POC1B: variants seen among roughly 807,000 people sequenced by gnomAD.
POC1B encodes the protein POC1 centriolar protein B.
POC1B carries 44 observed loss-of-function variants against 60.6 expected under a neutral mutation model. The ratio of observed to expected loss-of-function variants is 0.73; its 90% CI spans 0.57 to 0.93. The LOEUF is 0.93. Ranked by LOEUF, POC1B falls within the 40% of genes least tolerant of loss-of-function variation. The pLI is 0.00. For missense variants in POC1B, 555 were observed against 572.3 expected (o/e 0.97, Z 0.31); for synonymous variants, 180 against 198.9 (o/e 0.90, Z 0.80).
At chr12:89,427,735 T>C (rs1880832594) in intron 10 of POC1B, 2 of 152,016 alleles carry the variant, frequency 1.3e-5, no homozygotes, top group African/African-American at 4.8e-5. Flanking sequence ...CAAAACCACA[T>C]CCTCAAAACG....
chr12:89,488,885 G>A (rs536141366), intron 4 of POC1B, among the ~76,000 whole-genome samples: 10 of 152,266 alleles, frequency 6.6e-5, no homozygotes, highest in African/African-American at 1.2e-4. Context: ...AGCTCCCTGT[G>A]AAGAATATGC....
At chr12:89,447,626 T>A (rs899259158) in intron 10 of POC1B, among the ~76,000 whole-genome samples, 2 of 152,132 alleles carry the variant, frequency 1.3e-5, no homozygotes, top group Non-Finnish European at 2.9e-5. Context: ...TGAAATTTCA[T>A]TAAATTGCTA....
intron 10 of POC1B, chr12:89,427,528 AC>A (rs1440924514): frequency 2.6e-5 from 4 of 152,160 alleles, no homozygotes; most frequent in African/African-American, 9.7e-5. Flanking sequence ...CCCCATCTCT[AC>A]AAAAAATAAA....
chr12:89,455,817 TC>T (rs1304838572), intron 10 of POC1B, among the ~76,000 whole-genome samples: 1 of 152,208 alleles, frequency 6.6e-6, no homozygotes, highest in African/African-American at 2.4e-5. Context: ...GTGTCAACTC[TC>T]TGAGAAGAGT....
At chr12:89,518,775 T>C (rs1033499535) in intron 2 of POC1B, among the ~76,000 whole-genome samples, 1 of 152,180 alleles carries the variant, frequency 6.6e-6, no homozygotes, top group Admixed American at 6.5e-5. Flanking sequence ...ATGAAGTGAT[T>C]TACACAGAGC....
intron 4 of POC1B, among the ~76,000 whole-genome samples, chr12:89,480,595 A>ATTTTTTTTT (rs765505677): frequency 8.0e-4 from 56 of 69,868 alleles, no homozygotes; most frequent in Admixed American, 1.2e-3. Flanking sequence ...TAATTTTTGT[A>ATTTTTTTTT]TTTTTTTTTT....
chr12:89,516,130 T>C (rs1031937135), intron 2 of POC1B, among the ~76,000 whole-genome samples: 3 of 152,350 alleles, frequency 2.0e-5, no homozygotes, highest in Admixed American at 1.3e-4. Flanking sequence ...CTCTCTCTAA[T>C]GACTATTTAA....
intron 11 of POC1B, among the ~76,000 whole-genome samples, chr12:89,424,382 G>A (rs1293079532): frequency 6.6e-6 from 1 of 152,128 alleles, no homozygotes; most frequent in East Asian, 1.9e-4. Context: ...AGAACCAGTT[G>A]GGTGATTTCT....
At chr12:89,480,442 T>TA (rs1883279827) in intron 4 of POC1B, among the ~76,000 whole-genome samples, 1 of 151,386 alleles carries the variant, frequency 6.6e-6, no homozygotes, top group Non-Finnish European at 1.5e-5. Flanking sequence ...TTTTTTTTTT[T>TA]ATAGAGTCTC....
intron 10 of POC1B, among the ~76,000 whole-genome samples, 182 bp downstream of exon 10, chr12:89,459,456 C>A (rs1008357878): frequency 6.6e-6 from 1 of 151,250 alleles, no homozygotes; most frequent in Non-Finnish European, 1.5e-5. Flanking sequence ...GCTGCTCCCC[C>A]CTTGTGGTAA....
chr12:89,415,007 A>T (rs1456043507), downstream of POC1B, among the ~76,000 whole-genome samples: 1 of 152,172 alleles, frequency 6.6e-6, no homozygotes, highest in Admixed American at 6.5e-5. Flanking sequence ...TTTCTTAATG[A>T]CATTTACTTG....
intron 2 of POC1B, chr12:89,500,871 C>A: frequency 9.3e-7 from 1 of 1,073,858 alleles, no homozygotes; most frequent in Non-Finnish European, 1.4e-6. Flanking sequence ...AATTCAATGA[C>A]AAGCTAAAAA....
intron 2 of POC1B, among the ~76,000 whole-genome samples, chr12:89,516,366 A>C (rs1398936890): frequency 1.3e-5 from 2 of 152,150 alleles, no homozygotes; most frequent in Non-Finnish European, 2.9e-5. Context: ...CCATGACACT[A>C]AATACCATTT....
At chr12:89,429,588 A>G (rs1232291623) in intron 10 of POC1B, 2 of 152,224 alleles carry the variant, frequency 1.3e-5, no homozygotes, top group Non-Finnish European at 2.9e-5. Flanking sequence ...CTTACTGAGC[A>G]TCTATCTATA....
chr12:89,470,369 C>T lies in POC1B; in HGVS notation c.802G>A (p.Gly268Arg), dbSNP rs778224641. ...LEGRLIYTLQ[G>R]HTGPVFTVSF... Reference sequence around the variant, plus strand: ...AATCTGAGTGTTAATACCGTATGTCCTTGAAGTGTATAGATGAGCCTTCCT... The same window carrying T: ...AATCTGAGTGTTAATACCGTATGTCTTTGAAGTGTATAGATGAGCCTTCCT... The change falls in exon 7 of 12, where the codon GGA (glycine) becomes AGA (arginine). Residue 268 changes from glycine to arginine, a missense_variant. By Grantham distance (125) the Gly-to-Arg change is moderately radical. Coordinates refer to ENST00000313546, the MANE Select transcript of POC1B (RefSeq NM_172240.3). The T allele has an allele frequency of 1.2e-5, 18 of 1,531,440 alleles. No individual in the cohort carries two copies. Among genetic ancestry groups the T allele is most frequent in the Non-Finnish European group, 1.4e-5 (16 of 1,124,628 alleles). 94.9% of individuals were successfully genotyped at this position (1,531,440 alleles called of 1,614,324 possible). A position where few individuals can be genotyped will look rare whatever the true frequency, so the allele number is the denominator to read the frequency against.
chr12:89,521,953 A>C (rs1293292694), intron 2 of POC1B: 4 of 398,848 alleles, frequency 1.0e-5, no homozygotes, highest in African/African-American at 2.1e-5. Context: ...AATTGTGTTT[A>C]CTTTAAATGA....
intron 10 of POC1B, among the ~76,000 whole-genome samples, chr12:89,448,730 C>G (rs951292763): frequency 2.6e-5 from 4 of 152,238 alleles, no homozygotes; most frequent in Non-Finnish European, 4.4e-5. Context: ...TATGGCACAC[C>G]TTCTGGATAA....
chr12:89,484,185 G>A lies in POC1B; in HGVS notation c.452+7751C>T, dbSNP rs180952836. Among the ~76,000 whole-genome samples the A allele has an allele frequency of 1.0e-3, 156 of 152,274 alleles. 1 individual carries two copies. Among genetic ancestry groups the A allele is most frequent in the African/African-American group, 3.3e-3 (139 of 41,550 alleles). Reference sequence around the variant, plus strand: ...TAGATGAGTAGAATACTAAGAAATAGTTGATTAATCCAAAAGGAGAGAGGA... The same window carrying A: ...TAGATGAGTAGAATACTAAGAAATAATTGATTAATCCAAAAGGAGAGAGGA... On this transcript the variant is annotated intron_variant, in intron 4 of 11. Coordinates refer to ENST00000313546, the MANE Select transcript of POC1B (RefSeq NM_172240.3).
At position 89,497,176 on chromosome 12, in the gene POC1B, A is replaced by G. The variant is rs1869294030; in HGVS notation, c.267T>C (p.Pro89=). 1 of 1,611,544 alleles carries G rather than the reference A, an allele frequency of 6.2e-7. No homozygotes were observed. The highest frequency in any genetic ancestry group is 1.1e-5 in the South Asian group (1 of 90,858). The change falls in exon 3 of 12, where the codon CCT becomes CCC. Residue 89 remains proline, a synonymous_variant. Transcript: ENST00000313546. ...SRDRTVRLWI[P]DKRGKFSEFK... ...TGTTTCTTTGTTTCTCTTACTTATC[A>G]GGAATCCAGAGTCTCACGGTTCTGT... is the stretch of plus-strand genomic sequence containing the variant.
Sources: gnomAD v4.1 joint callset for allele counts (sites outside exome capture counted in the v4.1 genomes callset) on GRCh38, gnomAD v4.1.1 for gene constraint, MANE v1.5 for transcripts, NCBI Gene and HGNC (gene_info 2026-07-23, HGNC 2026-07-21) for gene names.